Variants in RBFOX1 observed in about 807,000 individuals in gnomAD.
The protein encoded by RBFOX1 is RNA binding fox-1 homolog 1.
A neutral mutation model predicts 57.7 loss-of-function variants in RBFOX1; 8 were observed. The ratio of observed to expected loss-of-function variants is 0.14; its 90% CI spans 0.08 to 0.25. RBFOX1 has a LOEUF of 0.25. RBFOX1 is among the 10% of genes least tolerant of loss of function. RBFOX1 has a pLI of 1.00. For synonymous variants in RBFOX1, 326 were observed against 222.4 expected, an observed-to-expected ratio of 1.47 and a Z score of -4.15; for missense variants, 611 against 548.5, an observed-to-expected ratio of 1.11 and a Z score of -1.14.
intron 3 of RBFOX1, among the ~76,000 whole-genome samples, chr16:6,891,431 T>G (rs2065387087): frequency 6.6e-6 from 1 of 152,046 alleles, no homozygotes; most frequent in Admixed American, 6.5e-5. Context: ...TACCTAATAG[T>G]ACCTTGTTGA....
intron 4 of RBFOX1, among the ~76,000 whole-genome samples, chr16:7,458,571 G>A (rs2058977284): frequency 6.6e-6 from 1 of 152,104 alleles, no homozygotes; most frequent in South Asian, 2.1e-4. Context: ...TACTTCCCTA[G>A]CATTCTTTCC....
chr16:7,435,234 C>T (rs187346957), intron 4 of RBFOX1, among the ~76,000 whole-genome samples: 10 of 152,116 alleles, frequency 6.6e-5, no homozygotes, highest in South Asian at 2.1e-4. Flanking sequence ...TTGTATTTAA[C>T]GACCTTGTCT....
chr16:6,105,342 G>C (rs1029869488), intron 1 of RBFOX1, among the ~76,000 whole-genome samples: 2 of 152,016 alleles, frequency 1.3e-5, no homozygotes, highest in African/African-American at 4.8e-5. Flanking sequence ...GGCATCCTTT[G>C]CATATACCGT....
rs937862510 is a variant in RBFOX1 at position 6,992,532 on chromosome 16, C to G, written c.-15-59525C>G. On this transcript the variant is annotated intron_variant, in intron 3 of 15. Coordinates refer to ENST00000550418, the MANE Select transcript of RBFOX1 (RefSeq NM_018723.4). Reference sequence around the variant, plus strand: ...TCCAGCCTAGCAATTCCTTAAGTACCTTGTTCATCCCTTCCAAGGTCAGCT... The same window carrying G: ...TCCAGCCTAGCAATTCCTTAAGTACGTTGTTCATCCCTTCCAAGGTCAGCT... 5.9e-5 allele frequency among the ~76,000 whole-genome samples: 9 copies of G among 152,112 alleles called. No individual in the cohort carries two copies. In the East Asian group the frequency reaches 1.5e-3, roughly 26 times the overall value.
At chr16:6,883,647 A>T (rs1468169229) in intron 3 of RBFOX1, among the ~76,000 whole-genome samples, 1 of 152,178 alleles carries the variant, frequency 6.6e-6, no homozygotes. Flanking sequence ...CTAGATTTCT[A>T]TCTTTGTAGT....
intron 3 of RBFOX1, among the ~76,000 whole-genome samples, chr16:6,788,664 A>G (rs995066594): frequency 4.0e-5 from 6 of 151,052 alleles, no homozygotes; most frequent in African/African-American, 9.7e-5. Context: ...TTTAGTAGAG[A>G]CGGGGTTTCA....
At chr16:5,402,588 T>C (rs1279953580) in intron 1 of RBFOX1, among the ~76,000 whole-genome samples, 2 of 152,244 alleles carry the variant, frequency 1.3e-5, no homozygotes, top group South Asian at 4.1e-4. Context: ...TTCAGTTGAT[T>C]CCCTTGGGAA....
In RBFOX1 at chr16:5,719,541, A is replaced by G. The variant is rs184117931; in HGVS notation, c.318+120580A>G. On this transcript the variant is annotated intron_variant, in intron 3 of 19. Coordinates refer to the RBFOX1 transcript ENST00000641259. The stretch of plus-strand genomic sequence containing the variant: ...TATTATTAACCAAAATAAGCTTCCC[A>G]CCCATTAAGCAGTAACTCCCCATTT... 1.7e-3 allele frequency among the ~76,000 whole-genome samples: 260 copies of G among 151,766 alleles called. 1 individual carries two copies. Among genetic ancestry groups the G allele is most frequent in the African/African-American group, 5.8e-3 (239 of 41,348 alleles).
chr16:7,562,861 G>A (rs934098444), intron 5 of RBFOX1, among the ~76,000 whole-genome samples: 3 of 152,186 alleles, frequency 2.0e-5, no homozygotes, highest in Non-Finnish European at 4.4e-5. Context: ...CCACAGATGT[G>A]TAGCAAGAGG....
At chr16:7,643,184 A>G (rs2063139956) in intron 11 of RBFOX1, among the ~76,000 whole-genome samples, 1 of 152,194 alleles carries the variant, frequency 6.6e-6, no homozygotes, top group Non-Finnish European at 1.5e-5. Flanking sequence ...TGATCAAAGA[A>G]TATTCATGTG....
At chr16:7,016,159 C>G (rs960853466) in intron 3 of RBFOX1, among the ~76,000 whole-genome samples, 2 of 152,138 alleles carry the variant, frequency 1.3e-5, no homozygotes, top group African/African-American at 2.4e-5. Context: ...CCAGACATGA[C>G]CATCCCTTGC....
chr16:7,428,476 A>C (rs888137335), intron 4 of RBFOX1, among the ~76,000 whole-genome samples: 1 of 147,018 alleles, frequency 6.8e-6, no homozygotes, highest in Non-Finnish European at 1.5e-5. Context: ...ACAGGCATCC[A>C]CTACCACTCC....
At chr16:6,407,830 G>A (rs899810401) in intron 2 of RBFOX1, among the ~76,000 whole-genome samples, 1 of 152,090 alleles carries the variant, frequency 6.6e-6, no homozygotes, top group Non-Finnish European at 1.5e-5. Flanking sequence ...CAGCATACAT[G>A]GACCGTAGGT....
chr16:7,521,683 T>C (rs144969674), intron 5 of RBFOX1, among the ~76,000 whole-genome samples: 1 of 152,362 alleles, frequency 6.6e-6, no homozygotes, highest in African/African-American at 2.4e-5. Flanking sequence ...TTCTAGCATA[T>C]AGATTTTCAC....
chr16:7,255,685 G>C (rs1420627750), intron 4 of RBFOX1, among the ~76,000 whole-genome samples: 1 of 151,624 alleles, frequency 6.6e-6, no homozygotes, highest in African/African-American at 2.4e-5. Flanking sequence ...TTTAGTGGTT[G>C]AATTAAAAAA....
intron 3 of RBFOX1, among the ~76,000 whole-genome samples, chr16:6,954,339 T>C (rs1461294614): frequency 2.0e-5 from 3 of 152,088 alleles, no homozygotes; most frequent in African/African-American, 2.4e-5. Flanking sequence ...GAGGAGTTGA[T>C]TTATAGTTAC....
At chr16:5,454,954 CCTTCCTT>C (rs2068572951) in intron 1 of RBFOX1, among the ~76,000 whole-genome samples, 1 of 40,414 alleles carries the variant, frequency 2.5e-5, no homozygotes, top group African/African-American at 1.0e-4. Context: ...TTCCTTCCTT[CCTTCCTT>C]TCTTTCTTTC....
chr16:5,813,209 T>C (rs1267196571), intron 3 of RBFOX1, among the ~76,000 whole-genome samples: 3 of 152,162 alleles, frequency 2.0e-5, no homozygotes, highest in Admixed American at 1.3e-4. Flanking sequence ...GGTTTCACCA[T>C]CTTGGTGAGG....
At position 6,210,247 on chromosome 16, in the gene RBFOX1, G is replaced by A. The variant is rs953071072; in HGVS notation, c.-126-106748G>A. On this transcript the variant is annotated intron_variant, in intron 1 of 15. Transcript: ENST00000550418. Reference sequence around the variant, plus strand: ...GCAGGAGAATCAACTGCACCCAGGAGGTAGAAATTGCAGTAAGCTGAGATC... The same window carrying A: ...GCAGGAGAATCAACTGCACCCAGGAAGTAGAAATTGCAGTAAGCTGAGATC... Among the ~76,000 whole-genome samples the A allele has an allele frequency of 4.0e-5, 6 of 150,416 alleles. No individual in the cohort carries two copies. The South Asian group carries it at 6.3e-4, about 16-fold the overall frequency.
Sources: allele counts gnomAD v4.1 joint callset (sites outside exome capture counted in the v4.1 genomes callset), GRCh38; gene constraint gnomAD v4.1.1; transcripts MANE v1.5; gene names NCBI Gene and HGNC (gene_info 2026-07-23, HGNC 2026-07-21).